SMYD3: variants seen among roughly 807,000 people sequenced by gnomAD.
SMYD3 encodes the protein histone-lysine N-methyltransferase SMYD3.
A neutral mutation model predicts 57.7 loss-of-function variants in SMYD3; 36 were observed. The observed-to-expected ratio is 0.62, with a 90% confidence interval of 0.48 to 0.82. The LOEUF (loss-of-function observed/expected upper bound fraction) is 0.82, where lower values mean the gene tolerates loss of function less well. SMYD3 is among the 40% of genes least tolerant of loss of function. The pLI is 0.00. For synonymous variants in SMYD3, 211 were observed against 195.0 expected (o/e 1.08, Z -0.68); for missense variants, 515 against 538.8 (o/e 0.96, Z 0.44).
chr1:246,134,030 G>A (rs2061627896), intron 5 of SMYD3, among the ~76,000 whole-genome samples: 1 of 152,116 alleles, frequency 6.6e-6, no homozygotes, highest in South Asian at 2.1e-4. Flanking sequence ...TCCATGCACA[G>A]GCTAAAGACA....
At position 246,214,319 on chromosome 1, in the gene SMYD3, G is replaced by A. The variant is rs148159897; in HGVS notation, c.531+112882C>T. On this transcript the variant is annotated intron_variant, in intron 5 of 11. Transcript: ENST00000490107. ...CAAGATAACCAAAGAGGAGACAAAT[G>A]TCATAGCAATCCAGCTATGAGTTGT... Among the ~76,000 whole-genome samples the A allele has an allele frequency of 3.3e-5, 5 of 152,238 alleles. No individual in the cohort carries two copies. The East Asian group carries it at 9.6e-4, about 29-fold the overall frequency.
intron 5 of SMYD3, among the ~76,000 whole-genome samples, chr1:246,137,255 T>G (rs2061678334): frequency 6.6e-6 from 1 of 152,218 alleles, no homozygotes; most frequent in Non-Finnish European, 1.5e-5. Flanking sequence ...GACCTATTAG[T>G]GGTTACTCGC....
chr1:245,784,283 T>G (rs2046949560), intron 10 of SMYD3, among the ~76,000 whole-genome samples: 1 of 152,220 alleles, frequency 6.6e-6, no homozygotes, highest in South Asian at 2.1e-4. Context: ...GAGAGGTATC[T>G]AAGCATCTAT....
intron 5 of SMYD3, among the ~76,000 whole-genome samples, chr1:246,064,641 G>A (rs935342118): frequency 6.6e-6 from 1 of 152,166 alleles, no homozygotes; most frequent in Admixed American, 6.5e-5. Context: ...GTCCTTAAAG[G>A]TGGGACTGCG....
intron 1 of SMYD3, among the ~76,000 whole-genome samples, chr1:246,419,967 A>G (rs1220785251): frequency 6.6e-6 from 1 of 152,362 alleles, no homozygotes; most frequent in East Asian, 1.9e-4. Context: ...AGGCCGAGGC[A>G]GGGGGATCAC....
rs987980906 is a variant in SMYD3, at chr1:246,222,644, C to T, written c.531+104557G>A. On this transcript the variant is annotated intron_variant, in intron 5 of 11. Transcript: ENST00000490107. ...CCTCCTTGATAAGAAGAAGTCAAAACTTTTATCATTACTCTTTTCACAAAG... is the reference window on the plus strand; with the variant it reads ...CCTCCTTGATAAGAAGAAGTCAAAATTTTTATCATTACTCTTTTCACAAAG... 9.9e-5 allele frequency among the ~76,000 whole-genome samples: 15 copies of T among 152,088 alleles called. 1 individual carries two copies. Among genetic ancestry groups the T allele is most frequent in the African/African-American group, 3.6e-4 (15 of 41,374 alleles).
chr1:246,317,227 G>A (rs1436297448), intron 5 of SMYD3, among the ~76,000 whole-genome samples: 1 of 152,172 alleles, frequency 6.6e-6, no homozygotes, highest in Non-Finnish European at 1.5e-5. Context: ...AACAATTACT[G>A]TGTGTGTACT....
intron 5 of SMYD3, among the ~76,000 whole-genome samples, chr1:246,122,801 T>C (rs2061443720): frequency 6.6e-6 from 1 of 152,220 alleles, no homozygotes; most frequent in African/African-American, 2.4e-5. Context: ...AACATGCCCC[T>C]GCTCTCCGGG....
chr1:246,002,403 C>T lies in SMYD3; in HGVS notation c.532-72466G>A, dbSNP rs113383869. ...GTTTCACCGTGTTAGCCAGGATGGT[C>T]TCGATCTCCTGACCTCGTGATCCAC... is the stretch of plus-strand genomic sequence containing the variant. On this transcript the variant is annotated intron_variant, in intron 5 of 11. Transcript: ENST00000490107. 3.4e-3 allele frequency among the ~76,000 whole-genome samples: 169 copies of T among 49,456 alleles called. 43 individuals are homozygous for T. The highest frequency in any genetic ancestry group is 0.013 in the Admixed American group (48 of 3,716). The allele number at this position is 49,456 out of a possible 152,430, so 32.4% of individuals were successfully genotyped here.
chr1:245,936,604 G>A (rs1024499707), intron 5 of SMYD3, among the ~76,000 whole-genome samples: 3 of 152,286 alleles, frequency 2.0e-5, no homozygotes, highest in African/African-American at 7.2e-5. Flanking sequence ...AAAAATTTGT[G>A]TTGATTAAGG....
chr1:245,797,221 T>C (rs778181853), intron 10 of SMYD3, among the ~76,000 whole-genome samples: 10 of 152,160 alleles, frequency 6.6e-5, no homozygotes, highest in Non-Finnish European at 5.9e-5. Flanking sequence ...TAAAGACACA[T>C]GCACACGTAT....
intron 1 of SMYD3, among the ~76,000 whole-genome samples, chr1:246,365,860 G>T (rs1033886090): frequency 6.6e-6 from 1 of 152,148 alleles, no homozygotes; most frequent in African/African-American, 2.4e-5. Context: ...TCTGAGAACC[G>T]CAGCCAAAAC....
chr1:246,436,716 T>C (rs1400141239), intron 1 of SMYD3, among the ~76,000 whole-genome samples: 1 of 152,190 alleles, frequency 6.6e-6, no homozygotes, highest in African/African-American at 2.4e-5. Flanking sequence ...TCTCCTCCAA[T>C]CTGTGACCCA....
At chr1:246,350,628 G>C (rs1157800320) in intron 2 of SMYD3, among the ~76,000 whole-genome samples, 2 of 149,748 alleles carry the variant, frequency 1.3e-5, no homozygotes, top group African/African-American at 4.9e-5. Context: ...AAAACATGAA[G>C]GGAAGTGGGT....
intron 1 of SMYD3, among the ~76,000 whole-genome samples, chr1:246,363,268 A>C (rs1166734924): frequency 6.1e-5 from 9 of 148,654 alleles, no homozygotes; most frequent in South Asian, 2.1e-4. Flanking sequence ...AGCCCCCGCC[A>C]GGCCAGCCGC....
intron 8 of SMYD3, among the ~76,000 whole-genome samples, chr1:245,882,451 C>T (rs1484418453): frequency 6.6e-6 from 1 of 152,154 alleles, no homozygotes; most frequent in Non-Finnish European, 1.5e-5. Flanking sequence ...TGAATCACTA[C>T]AATGAGCCAA....
intron 5 of SMYD3, among the ~76,000 whole-genome samples, chr1:245,957,669 A>G (rs73130333): frequency 0.031 from 4,658 of 152,290 alleles, 248 homozygotes; most frequent in African/African-American, 0.11. Context: ...AACAAAACGT[A>G]TCTGTCATAT....
At chr1:245,805,410 C>G (rs1490125606) in intron 10 of SMYD3, among the ~76,000 whole-genome samples, 1 of 152,194 alleles carries the variant, frequency 6.6e-6, no homozygotes, top group Non-Finnish European at 1.5e-5. Context: ...GTCAGATTAT[C>G]CTAACCATAA....
intron 5 of SMYD3, among the ~76,000 whole-genome samples, chr1:246,214,312 G>C (rs181211010): frequency 3.7e-4 from 56 of 152,218 alleles, no homozygotes; most frequent in Non-Finnish European, 6.8e-4. Context: ...CCAAAGAGGA[G>C]ACAAATGTCA....
Sources: gnomAD v4.1 joint callset for allele counts (sites outside exome capture counted in the v4.1 genomes callset) on GRCh38, gnomAD v4.1.1 for gene constraint, MANE v1.5 for transcripts, NCBI Gene and HGNC (gene_info 2026-07-23, HGNC 2026-07-21) for gene names.